The following TMEM45B variants were observed in gnomAD, a reference collection of about 807,000 sequenced individuals.
TMEM45B encodes transmembrane protein 45B.
Under a neutral mutation model 27.3 loss-of-function variants are expected in TMEM45B, and 29 were observed. The observed-to-expected ratio is 1.06, with a 90% CI of 0.79 to 1.45. The LOEUF (loss-of-function observed/expected upper bound fraction) is 1.45, where lower values mean the gene tolerates loss of function less well. Ranked by LOEUF, TMEM45B falls within the 40% of genes most tolerant of loss-of-function variation. The probability of loss-of-function intolerance (pLI) is 0.00; values close to 1 mark genes in which losing one functional copy is unlikely to be tolerated. For synonymous variants in TMEM45B, 143 were observed against 134.7 expected, an observed-to-expected ratio of 1.06 and a Z score of -0.43; for missense variants, 348 against 343.9, an observed-to-expected ratio of 1.01 and a Z score of -0.09.
intron 2 of TMEM45B, among the ~76,000 whole-genome samples, chr11:129,854,052 C>T (rs777153642): frequency 1.3e-5 from 2 of 152,178 alleles, no homozygotes; most frequent in South Asian, 2.1e-4. Context: ...CTGGGAGGGG[C>T]GCAGGGCTTG....
Position 129,858,889 on chromosome 11 carries a change from T to C in TMEM45B, c.*204T>C, listed in dbSNP as rs932538600. The C allele has an allele frequency of 2.9e-5, 12 of 411,170 alleles. No homozygotes were observed. The highest frequency in any genetic ancestry group is 5.3e-5 in the Non-Finnish European group (12 of 224,980). 25.5% of individuals were successfully genotyped at this position (411,170 alleles called of 1,614,324 possible). ...TTGCAGTTGGGATTTTTAAACATACTATAAAGTCTGTGTTGGTATAGTACC... is the reference window on the plus strand; with the variant it reads ...TTGCAGTTGGGATTTTTAAACATACCATAAAGTCTGTGTTGGTATAGTACC... On this transcript the variant is annotated 3_prime_UTR_variant, in exon 6 of 6. Transcript: ENST00000281441.
At chr11:129,852,350 T>C in intron 1 of TMEM45B, 125 bp from the exon 2 acceptor site, 2 of 820,176 alleles carry the variant, frequency 2.4e-6, no homozygotes, top group Non-Finnish European at 3.8e-6. Flanking sequence ...TTTATGAGAA[T>C]GTGTTGATCC....
In TMEM45B at chr11:129,826,476, G is replaced by A. The variant is rs559534048; in HGVS notation, c.-9+10578G>A. Among the ~76,000 whole-genome samples, 582 of 147,424 alleles carry A rather than the reference G, an allele frequency of 3.9e-3. 5 individuals are homozygous for A. The highest frequency in any genetic ancestry group is 7.0e-3 in the Non-Finnish European group (470 of 67,052). On this transcript the variant is annotated intron_variant, in intron 1 of 5. Coordinates refer to ENST00000281441, the MANE Select transcript of TMEM45B (RefSeq NM_138788.5). ...AGGCAGGAGAATGGTGTGAACCCGG[G>A]AGGCAGAGCTTGCAGTGAGCCGAGA...
chr11:129,815,963 G>A, intron 1 of TMEM45B, 65 bp downstream of exon 1: 1 of 1,261,288 alleles, frequency 7.9e-7, no homozygotes, highest in African/African-American at 1.5e-5. Context: ...AGGGGGCCCC[G>A]CCAAGGAGCG....
intron 1 of TMEM45B, among the ~76,000 whole-genome samples, chr11:129,851,558 AGT>A (rs1335019468): frequency 2.7e-4 from 38 of 139,582 alleles, no homozygotes; most frequent in Non-Finnish European, 3.6e-4. Context: ...AAAAAAAAAA[AGT>A]CCCCTTCTCT....
In TMEM45B at chr11:129,822,125, G is replaced by A. The variant is rs192346367; in HGVS notation, c.-9+6227G>A. ...AAATCTTCCAACAATGCTATTAAAT[G>A]TTTACATTCTACCATTATATTTTTA... On this transcript the variant is annotated intron_variant, in intron 1 of 5. Transcript: ENST00000281441. Among the ~76,000 whole-genome samples, 512 of 152,126 alleles carry A rather than the reference G, an allele frequency of 3.4e-3. 5 individuals carry two copies. The highest frequency in any genetic ancestry group is 0.012 in the African/African-American group (484 of 41,480).
intron 1 of TMEM45B, among the ~76,000 whole-genome samples, chr11:129,817,090 G>A (rs1947362269): frequency 6.6e-6 from 1 of 152,130 alleles, no homozygotes; most frequent in South Asian, 2.1e-4. Flanking sequence ...GCTTTCTGCG[G>A]TGTCTGCCCT....
At chr11:129,819,109 A>C (rs572389587) in intron 1 of TMEM45B, among the ~76,000 whole-genome samples, 65 of 152,322 alleles carry the variant, frequency 4.3e-4, no homozygotes, top group African/African-American at 1.4e-3. Context: ...CCGTTATTAT[A>C]GTGGCTAAAG....
At chr11:129,835,845 C>A (rs956478987) in intron 1 of TMEM45B, among the ~76,000 whole-genome samples, 6 of 152,232 alleles carry the variant, frequency 3.9e-5, no homozygotes, top group African/African-American at 1.4e-4. Flanking sequence ...GGGCTGGGCG[C>A]AGTGGCTCAC....
At chr11:129,823,817 G>A (rs1947448863) in intron 1 of TMEM45B, among the ~76,000 whole-genome samples, 1 of 152,032 alleles carries the variant, frequency 6.6e-6, no homozygotes, top group Admixed American at 6.5e-5. Context: ...ACCCTGCATC[G>A]AGTCCCTCCT....
chr11:129,844,983 AAG>A (rs1226708824), intron 1 of TMEM45B, among the ~76,000 whole-genome samples: 2 of 152,220 alleles, frequency 1.3e-5, no homozygotes, highest in Non-Finnish European at 2.9e-5. Flanking sequence ...AATGGACAGA[AAG>A]AAATGAAGAA....
In TMEM45B at chr11:129,852,431, G is replaced by A; in HGVS notation, c.-8-44G>A. 2.0e-5 allele frequency: 31 copies of A among 1,530,056 alleles called. 1 individual carries two copies. In the South Asian group the frequency reaches 3.6e-4, roughly 18 times the overall value. 94.8% of individuals were successfully genotyped at this position (1,530,056 alleles called of 1,614,324 possible). On this transcript the variant is annotated intron_variant, in intron 1 of 5. Coordinates refer to ENST00000281441, the MANE Select transcript of TMEM45B (RefSeq NM_138788.5). ...TTCCTGCCAAAATATACATTTGTTT[G>A]CTTGCTTCATTAGCCACCTAACAGC...
intron 1 of TMEM45B, among the ~76,000 whole-genome samples, chr11:129,851,543 C>CAAAAAAAAAAAAAAAAAAAAAAAA (rs71057982): frequency 5.3e-4 from 29 of 54,926 alleles, no homozygotes; most frequent in African/African-American, 1.3e-3. Context: ...AACTCTGCCT[C>CAAAAAAAAAAAAAAAAAAAAAAAA]AAAAAAAAAA....
chr11:129,851,543 C>CAA lies in TMEM45B; in HGVS notation c.-8-918_-8-917dup, dbSNP rs71057982. ...TGGGTGACAGAGTGAAACTCTGCCTCAAAAAAAAAAAAAAAGTCCCCTTCT... is the reference window on the plus strand; with the variant it reads ...TGGGTGACAGAGTGAAACTCTGCCTCAAAAAAAAAAAAAAAAAGTCCCCTTCT... On this transcript the variant is annotated intron_variant, in intron 1 of 5. Transcript: ENST00000281441. 1.2e-3 allele frequency among the ~76,000 whole-genome samples: 66 copies of CAA among 54,964 alleles called. 13 individuals carry two copies. The highest frequency in any genetic ancestry group is 3.9e-3 in the African/African-American group (56 of 14,290). The allele number at this position is 54,964 out of a possible 152,430, so 36.1% of individuals were successfully genotyped here. A position where few individuals can be genotyped will look rare whatever the true frequency, so the allele number is the denominator to read the frequency against.
intron 1 of TMEM45B, among the ~76,000 whole-genome samples, chr11:129,841,590 TTG>T (rs1487877927): frequency 6.5e-4 from 84 of 130,048 alleles, no homozygotes; most frequent in Middle Eastern, 3.8e-3. Flanking sequence ...TTTTGTTTTT[TTG>T]TTTTTTTTTT....
intron 1 of TMEM45B, among the ~76,000 whole-genome samples, chr11:129,843,893 T>C (rs561651665): frequency 6.6e-6 from 1 of 152,304 alleles, no homozygotes; most frequent in East Asian, 1.9e-4. Context: ...TGGAGGTTTC[T>C]CAAAAAATTA....
intron 1 of TMEM45B, among the ~76,000 whole-genome samples, chr11:129,832,947 G>GT (rs1332574252): frequency 6.6e-6 from 1 of 152,144 alleles, no homozygotes; most frequent in Non-Finnish European, 1.5e-5. Flanking sequence ...GAAAGGAAAT[G>GT]TAAGTGTTAA....
chr11:129,859,377 C>A lies in TMEM45B; in HGVS notation c.*692C>A, dbSNP rs879839754. 1 of 151,766 alleles carries A rather than the reference C, an allele frequency of 6.6e-6. No homozygotes were observed. Among genetic ancestry groups the A allele is most frequent in the Non-Finnish European group, 1.5e-5 (1 of 67,938 alleles). The allele number at this position is 151,766 out of a possible 1,614,324, so 9.4% of individuals were successfully genotyped here. Reference sequence around the variant, plus strand: ...GATGTTCTGATTCTTCAAAGTCACCCTAAAAGAAGATCTGACAGGAAAGCT... The same window carrying A: ...GATGTTCTGATTCTTCAAAGTCACCATAAAAGAAGATCTGACAGGAAAGCT... On this transcript the variant is annotated 3_prime_UTR_variant, in exon 6 of 6. Coordinates refer to ENST00000281441, the MANE Select transcript of TMEM45B (RefSeq NM_138788.5).
At chr11:129,857,552 C>A in intron 5 of TMEM45B, 94 bp downstream of exon 5, 1 of 1,427,154 alleles carries the variant, frequency 7.0e-7, no homozygotes, top group Non-Finnish European at 9.7e-7. Context: ...GACTACAGGC[C>A]AAATTCTGTG....
Sources: allele counts gnomAD v4.1 joint callset (sites outside exome capture counted in the v4.1 genomes callset), GRCh38; gene constraint gnomAD v4.1.1; transcripts MANE v1.5; gene names NCBI Gene and HGNC (gene_info 2026-07-23, HGNC 2026-07-21).